PHTF1: variants seen among roughly 807,000 people sequenced by gnomAD.
PHTF1 encodes the protein putative homeodomain transcription factor 1, also known as protein PHTF1.
A neutral mutation model predicts 102.4 loss-of-function variants in PHTF1; 88 were observed. That is an observed-to-expected ratio of 0.86 (90% CI 0.72 to 1.03). The LOEUF (loss-of-function observed/expected upper bound fraction) is 1.03. PHTF1 is among the 50% of genes least tolerant of loss of function. The pLI, the probability that PHTF1 is intolerant of heterozygous loss-of-function variation, is 0.00. For missense variants in PHTF1, 814 were observed against 909.5 expected (o/e 0.89, Z 1.35); for synonymous variants, 289 against 305.2 (o/e 0.95, Z 0.55).
chr1:113,722,963 T>TA (rs200817078), intron 7 of PHTF1, among the ~76,000 whole-genome samples: 2 of 143,204 alleles, frequency 1.4e-5, no homozygotes, highest in Non-Finnish European at 3.1e-5. Context: ...AATAAATAAA[T>TA]AAAAATAAAA....
chr1:113,758,616 G>A lies in PHTF1; in HGVS notation c.45+43C>T, dbSNP rs1198938723. ...ATATTATTTGTGGGAGCTTTTTGCA[G>A]GAAGAATGCTTTACAAATAAAAAAA... On this transcript the variant is annotated intron_variant, in intron 2 of 18. Transcript: ENST00000369604. The A allele has an allele frequency of 3.3e-6, 4 of 1,226,934 alleles. No homozygotes were observed. In the African/African-American group the frequency reaches 4.7e-5, roughly 14 times the overall value. The allele number at this position is 1,226,934 out of a possible 1,614,324, so 76.0% of individuals were successfully genotyped here.
At chr1:113,728,102 C>T (rs764284867) in intron 5 of PHTF1, among the ~76,000 whole-genome samples, 23 of 151,946 alleles carry the variant, frequency 1.5e-4, no homozygotes, top group East Asian at 9.6e-4. Context: ...GATGGCGGGG[C>T]GGAGGGCCGG....
chr1:113,705,765 T>G, intron 13 of PHTF1, 125 bp downstream of exon 13: 1 of 681,746 alleles, frequency 1.5e-6, no homozygotes, highest in East Asian at 2.7e-5. Flanking sequence ...ATATCAAAAG[T>G]CCACTTATCA....
chr1:113,757,634 A>G, intron 3 of PHTF1, 65 bp downstream of exon 3: 2 of 997,016 alleles, frequency 2.0e-6, no homozygotes, highest in Non-Finnish European at 3.2e-6. Flanking sequence ...TTTACCAGGT[A>G]AGTACAATTC....
chr1:113,751,476 C>A (rs543083825), intron 3 of PHTF1, among the ~76,000 whole-genome samples: 2 of 152,172 alleles, frequency 1.3e-5, no homozygotes, highest in African/African-American at 4.8e-5. Context: ...AACAATCACA[C>A]AATATGTTGT....
intron 5 of PHTF1, among the ~76,000 whole-genome samples, chr1:113,731,914 A>T (rs1217629386): frequency 6.6e-6 from 1 of 151,592 alleles, no homozygotes; most frequent in Non-Finnish European, 1.5e-5. Context: ...AAAAAAAAAA[A>T]AAAAAAAAAG....
At chr1:113,752,775 C>T (rs772728132) in intron 3 of PHTF1, among the ~76,000 whole-genome samples, 10 of 152,166 alleles carry the variant, frequency 6.6e-5, no homozygotes, top group African/African-American at 1.4e-4. Flanking sequence ...CTTTCCATCT[C>T]AATGCCTTTC....
rs1328338147 is a variant in PHTF1 at position 113,757,757 on chromosome 1, T to C, written c.46-2A>G. On this transcript the variant is annotated splice_acceptor_variant, in intron 2 of 18. Coordinates refer to ENST00000369604, the MANE Select transcript of PHTF1 (RefSeq NM_001323043.2). LOFTEE classifies it high-confidence loss of function. ...TATCTGCTGATCGTAGGCTCCAATC[T>C]GAAAGAGGGAGTAGTCTATTAGTTA... is the stretch of plus-strand genomic sequence containing the variant. 1 of 1,586,318 alleles carries C rather than the reference T, an allele frequency of 6.3e-7. No homozygotes were observed. The highest frequency in any genetic ancestry group is 8.7e-7 in the Non-Finnish European group (1 of 1,154,762).
intron 5 of PHTF1, among the ~76,000 whole-genome samples, chr1:113,727,042 G>GTGTA (rs1553229713): frequency 5.4e-5 from 8 of 148,088 alleles, no homozygotes; most frequent in African/African-American, 1.5e-4. Context: ...ACATATATGT[G>GTGTA]TATATATATA....
intron 16 of PHTF1, chr1:113,700,101 A>C: frequency 3.8e-6 from 4 of 1,053,978 alleles, no homozygotes; most frequent in Non-Finnish European, 4.6e-6. Context: ...CCTTGAGTTC[A>C]AAACCTCTAT....
intron 3 of PHTF1, among the ~76,000 whole-genome samples, chr1:113,756,533 A>G (rs1027497595): frequency 2.6e-5 from 4 of 152,232 alleles, no homozygotes; most frequent in Non-Finnish European, 5.9e-5. Flanking sequence ...CCCTGAATCC[A>G]TAAGATTTAA....
At chr1:113,755,272 T>C (rs116717456) in intron 3 of PHTF1, among the ~76,000 whole-genome samples, 1 of 152,206 alleles carries the variant, frequency 6.6e-6, no homozygotes, top group African/African-American at 2.4e-5. Context: ...TGCTATACTT[T>C]GGTCATTTTT....
intron 7 of PHTF1, among the ~76,000 whole-genome samples, chr1:113,717,215 T>A (rs1652200942): frequency 6.6e-6 from 1 of 151,314 alleles, no homozygotes; most frequent in South Asian, 2.1e-4. Context: ...ATTAAAAAAA[T>A]AATAAAAGAT....
intron 3 of PHTF1, among the ~76,000 whole-genome samples, chr1:113,748,006 T>A (rs1657482898): frequency 6.6e-6 from 1 of 152,202 alleles, no homozygotes. Flanking sequence ...TGAGACAGAA[T>A]CTCGCTTGTC....
At chr1:113,706,809 ACTCTAATAACCAC>A in intron 11 of PHTF1, 87 bp from the exon 12 acceptor site, 2 of 767,762 alleles carry the variant, frequency 2.6e-6, no homozygotes, top group Non-Finnish European at 4.0e-6. Context: ...ATTTGCCAAC[ACTCTAATAACCAC>A]CTCTATAATG....
At chr1:113,718,083 A>T (rs1179987270) in intron 7 of PHTF1, among the ~76,000 whole-genome samples, 1 of 152,228 alleles carries the variant, frequency 6.6e-6, no homozygotes, top group African/African-American at 2.4e-5. Context: ...GAGCCTGTAA[A>T]ATCAAAAGCA....
intron 3 of PHTF1, among the ~76,000 whole-genome samples, chr1:113,750,584 C>T (rs527458674): frequency 3.3e-5 from 5 of 152,168 alleles, no homozygotes; most frequent in Non-Finnish European, 5.9e-5. Flanking sequence ...AGGGGCCAGG[C>T]GTGGTGGCTC....
chr1:113,703,992 A>T, intron 15 of PHTF1, 89 bp downstream of exon 15: 1 of 697,126 alleles, frequency 1.4e-6, no homozygotes, highest in Non-Finnish European at 2.4e-6. Context: ...AAAAATACAT[A>T]CTTAAGGACA....
At chr1:113,741,647 C>T (rs1477548350) in intron 3 of PHTF1, among the ~76,000 whole-genome samples, 1 of 152,048 alleles carries the variant, frequency 6.6e-6, no homozygotes, top group Non-Finnish European at 1.5e-5. Flanking sequence ...ATCCAAAGCT[C>T]CCTTAGCAAT....
Sources: gnomAD v4.1 joint callset for allele counts (sites outside exome capture counted in the v4.1 genomes callset) on GRCh38, gnomAD v4.1.1 for gene constraint, MANE v1.5 for transcripts, NCBI Gene and HGNC (gene_info 2026-07-23, HGNC 2026-07-21) for gene names.